Variants in DISC1 observed in about 807,000 individuals in gnomAD.
DISC1 encodes disrupted in schizophrenia 1 protein.
A neutral mutation model predicts 84.5 loss-of-function variants in DISC1; 57 were observed. The observed-to-expected ratio is 0.67, with a 90% CI of 0.55 to 0.84. DISC1 has a LOEUF of 0.84. DISC1 is among the 40% of genes least tolerant of loss of function. The pLI is 0.00. For synonymous variants in DISC1, 411 were observed against 415.2 expected (o/e 0.99, Z 0.12); for missense variants, 1,000 against 1,057.8 (o/e 0.95, Z 0.76).
intron 1 of DISC1, among the ~76,000 whole-genome samples, chr1:231,655,567 A>T (rs1455995252): frequency 6.6e-6 from 1 of 152,182 alleles, no homozygotes; most frequent in Admixed American, 6.5e-5. Context: ...ATATGCATGC[A>T]GGTGTCTTTT....
At chr1:231,891,879 C>T (rs190227923) in intron 9 of DISC1, among the ~76,000 whole-genome samples, 2 of 152,258 alleles carry the variant, frequency 1.3e-5, no homozygotes, top group Admixed American at 6.5e-5. Context: ...CCATAACCTG[C>T]GGCCTTCCCC....
At chr1:231,810,146 A>T (rs182387199) in intron 8 of DISC1, among the ~76,000 whole-genome samples, 8 of 152,364 alleles carry the variant, frequency 5.3e-5, no homozygotes, top group Admixed American at 5.2e-4. Context: ...TCACAGAGGC[A>T]TGGGCACTGT....
intron 9 of DISC1, among the ~76,000 whole-genome samples, chr1:231,885,543 C>T (rs2086621502): frequency 6.6e-6 from 1 of 152,218 alleles, no homozygotes; most frequent in Non-Finnish European, 1.5e-5. Flanking sequence ...CAATGAAAGC[C>T]TCAGCTGAAG....
In DISC1 at chr1:231,958,883, G is replaced by T. The variant is rs771839898; in HGVS notation, c.2037G>T (p.Leu679=). 6.2e-7 allele frequency: 1 copy of T among 1,613,080 alleles called. No individual in the cohort carries two copies. The highest frequency in any genetic ancestry group is 8.5e-7 in the Non-Finnish European group (1 of 1,179,636). ...ACATGGAAACACTTAAGAATAAACT[G>T]TGCAGGTAAGGATAATAATTTCTGT... ...MKYMETLKNK[L]CSCKCPLLGK... The change falls in exon 10 of 13, where the codon CTG becomes CTT. Residue 679 remains leucine, a synonymous_variant. Transcript: ENST00000439617.
rs2081879233 is a variant in DISC1, at chr1:231,826,581, A to C, written c.1981+8064A>C. On this transcript the variant is annotated intron_variant, in intron 9 of 12. Transcript: ENST00000439617. This position sits in a 1 kb window ranked among gnomAD's most constrained non-coding sequence, Gnocchi z 4.2. ...TATAGGTTATCACCCTATGAAACTC[A>C]TATCTTTTGTATTAAAACCTCAATT... 1.3e-5 allele frequency among the ~76,000 whole-genome samples: 2 copies of C among 152,234 alleles called. No homozygotes were observed. The highest frequency in any genetic ancestry group is 4.8e-5 in the African/African-American group (2 of 41,460).
At chr1:231,885,240 G>A (rs1002935508) in intron 9 of DISC1, among the ~76,000 whole-genome samples, 1 of 152,182 alleles carries the variant, frequency 6.6e-6, no homozygotes, top group African/African-American at 2.4e-5. Flanking sequence ...TTCTGCTAGG[G>A]CTAAAGGAAA....
rs1669975295 is a variant in DISC1 at position 232,031,094 on chromosome 1, G to A, written c.2425+4542G>A. On this transcript the variant is annotated intron_variant, in intron 12 of 12. Transcript: ENST00000439617. This position sits in a 1 kb window ranked among gnomAD's most constrained non-coding sequence, Gnocchi z 4.6. ...ACTACACTCCAGCCTGGGCAACAAA[G>A]TAAGACACTGCCAAAGAAGGAGGGA... 3.3e-5 allele frequency among the ~76,000 whole-genome samples: 5 copies of A among 150,944 alleles called. No homozygotes were observed.
At chr1:231,715,553 C>T (rs1365035056) in intron 3 of DISC1, among the ~76,000 whole-genome samples, 1 of 152,132 alleles carries the variant, frequency 6.6e-6, no homozygotes, top group Admixed American at 6.5e-5. Context: ...GCTTTATGTG[C>T]TGGGCTCAGG....
intron 1 of DISC1, among the ~76,000 whole-genome samples, chr1:231,648,509 C>A (rs1289678528): frequency 1.3e-5 from 2 of 152,126 alleles, no homozygotes; most frequent in Non-Finnish European, 2.9e-5. Flanking sequence ...GGATATTGGT[C>A]TAAAATTCTC....
chr1:231,886,777 TTC>T (rs1248825007), intron 9 of DISC1, among the ~76,000 whole-genome samples: 1 of 93,894 alleles, frequency 1.1e-5, no homozygotes, highest in Non-Finnish European at 2.4e-5. Context: ...CTTTCTTTCT[TTC>T]TTTCTTTCTT....
At chr1:231,642,434 C>A (rs933991799) in intron 1 of DISC1, among the ~76,000 whole-genome samples, 1 of 152,206 alleles carries the variant, frequency 6.6e-6, no homozygotes, top group Non-Finnish European at 1.5e-5. Context: ...AGAGCGAGCG[C>A]GGGCTGCGAG....
At chr1:231,953,898 TG>T (rs1353333947) in intron 9 of DISC1, among the ~76,000 whole-genome samples, 1 of 152,214 alleles carries the variant, frequency 6.6e-6, no homozygotes, top group Non-Finnish European at 1.5e-5. Context: ...TTCAAATCAC[TG>T]GTCCATTCAA....
chr1:231,819,680 A>G (rs972904926), intron 9 of DISC1, among the ~76,000 whole-genome samples: 2 of 152,214 alleles, frequency 1.3e-5, no homozygotes, highest in African/African-American at 4.8e-5. Flanking sequence ...ACGCTCACCC[A>G]AGACACCGCA....
intron 9 of DISC1, chr1:231,866,599 C>A: frequency 6.8e-7 from 1 of 1,463,820 alleles, no homozygotes; most frequent in Non-Finnish European, 9.6e-7. Context: ...CAGGACACAG[C>A]ACTGTGATTT....
chr1:231,732,389 C>T lies in DISC1; in HGVS notation c.1118-17537C>T, dbSNP rs1051542703. Among the ~76,000 whole-genome samples, 3 of 152,140 alleles carry T rather than the reference C, an allele frequency of 2.0e-5. No homozygotes were observed. In the East Asian group the frequency reaches 5.8e-4, roughly 29 times the overall value. ...GGCTTCATAATTTATGCAAATCGAT[C>T]CCAGACAGAATTCTACTTAGAAATG... is the stretch of plus-strand genomic sequence containing the variant. On this transcript the variant is annotated intron_variant, in intron 3 of 12. Coordinates refer to ENST00000439617, the MANE Select transcript of DISC1 (RefSeq NM_018662.3).
At chr1:231,664,494 A>G (rs2061840541) in intron 1 of DISC1, among the ~76,000 whole-genome samples, 1 of 152,192 alleles carries the variant, frequency 6.6e-6, no homozygotes, top group African/African-American at 2.4e-5. Context: ...TGGAGAGACT[A>G]TCTTTGCTAT....
chr1:231,629,964 G>A (rs761083438), intron 1 of DISC1, among the ~76,000 whole-genome samples: 7 of 152,108 alleles, frequency 4.6e-5, no homozygotes, highest in Non-Finnish European at 8.8e-5. Flanking sequence ...ACGGAGTCTC[G>A]TTCTGTCGCC....
At chr1:231,695,057 T>C (rs1166275397) in intron 2 of DISC1, among the ~76,000 whole-genome samples, 1 of 152,252 alleles carries the variant, frequency 6.6e-6, no homozygotes, top group Non-Finnish European at 1.5e-5. Context: ...CGCAGGCTCC[T>C]CTGCAGGCCC....
chr1:231,838,078 C>T (rs367936514), intron 9 of DISC1, among the ~76,000 whole-genome samples: 3 of 152,270 alleles, frequency 2.0e-5, no homozygotes, highest in South Asian at 4.2e-4. Context: ...AATGCACAGC[C>T]ATGGTCTCTA....
Sources: allele counts gnomAD v4.1 joint callset (sites outside exome capture counted in the v4.1 genomes callset), GRCh38; gene constraint gnomAD v4.1.1; non-coding constraint Gnocchi (gnomAD v3.1); transcripts MANE v1.5; gene names NCBI Gene and HGNC (gene_info 2026-07-23, HGNC 2026-07-21).